LHFPL6: variants seen among roughly 807,000 people sequenced by gnomAD.
The protein encoded by LHFPL6 is LHFPL tetraspan subfamily member 6 protein.
LHFPL6 carries 9 observed loss-of-function variants against 20.6 expected under a neutral mutation model. The ratio of observed to expected loss-of-function variants is 0.44; its 90% CI spans 0.26 to 0.76. The LOEUF is 0.76. Ranked by LOEUF, LHFPL6 falls within the 30% of genes least tolerant of loss-of-function variation. The pLI is 0.20. For synonymous variants in LHFPL6, 105 were observed against 98.7 expected (o/e 1.06, Z -0.38); for missense variants, 218 against 253.5 (o/e 0.86, Z 0.95).
chr13:39,427,002 A>G (rs78170721), intron 2 of LHFPL6, among the ~76,000 whole-genome samples: 4,283 of 151,558 alleles, frequency 0.028, 176 homozygotes, highest in African/African-American at 0.091. Flanking sequence ...AGCTTTATTT[A>G]TTTAAAAAAA....
At chr13:39,545,581 A>C (rs1244100014) in intron 2 of LHFPL6, among the ~76,000 whole-genome samples, 1 of 152,022 alleles carries the variant, frequency 6.6e-6, no homozygotes, top group South Asian at 2.1e-4. Context: ...CTCCCCATCC[A>C]TGGGGGATTG....
intron 2 of LHFPL6, among the ~76,000 whole-genome samples, chr13:39,544,515 G>GAGCTCGC (rs1343822360): frequency 6.6e-6 from 1 of 152,104 alleles, no homozygotes; most frequent in Non-Finnish European, 1.5e-5. Context: ...TTAACCCAAG[G>GAGCTCGC]AGCTCCAAGT....
rs1869846583 is a variant in LHFPL6 at position 39,360,377 on chromosome 13, C to T, written c.485-16323G>A. The stretch of plus-strand genomic sequence containing the variant: ...TGTTTGCCCTACTTTCTCCACAGAG[C>T]TAACCAGAAGATAAAATGCAGATGT... On this transcript the variant is annotated intron_variant, in intron 3 of 3. Transcript: ENST00000379589. Among the ~76,000 whole-genome samples, 4 of 97,746 alleles carry T rather than the reference C, an allele frequency of 4.1e-5. 2 individuals are homozygous for T. In the South Asian group the frequency reaches 1.4e-3, roughly 34 times the overall value. 64.1% of individuals were successfully genotyped at this position (97,746 alleles called of 152,430 possible). A position where few individuals can be genotyped will look rare whatever the true frequency, so the allele number is the denominator to read the frequency against.
intron 2 of LHFPL6, among the ~76,000 whole-genome samples, chr13:39,421,812 G>A (rs1286746071): frequency 6.6e-6 from 1 of 152,168 alleles, no homozygotes; most frequent in Non-Finnish European, 1.5e-5. Context: ...TTGAAGGTTG[G>A]CTATATGAAA....
At chr13:39,528,318 T>C (rs1335241820) in intron 2 of LHFPL6, among the ~76,000 whole-genome samples, 1 of 152,074 alleles carries the variant, frequency 6.6e-6, no homozygotes, top group Non-Finnish European at 1.5e-5. Context: ...CTCTCCCCTC[T>C]GACTGAAAAA....
intron 2 of LHFPL6, among the ~76,000 whole-genome samples, chr13:39,396,972 T>G (rs1001857369): frequency 7.2e-5 from 11 of 152,114 alleles, no homozygotes; most frequent in African/African-American, 2.7e-4. Context: ...AGCATGGCCC[T>G]GCCAACAACT....
rs530788607 is a variant in LHFPL6 at position 39,375,233 on chromosome 13, A to C, written c.484+3195T>G. On this transcript the variant is annotated intron_variant, in intron 3 of 3. Transcript: ENST00000379589. ...ATGTTTGCTGGAGCCATCTTAACCA[A>C]GAATGCTCACTCATGACCTCATGCT... 7.2e-5 allele frequency among the ~76,000 whole-genome samples: 11 copies of C among 152,340 alleles called. No homozygotes were observed. The East Asian group carries it at 7.7e-4, about 11-fold the overall frequency.
chr13:39,379,583 G>A (rs540228252), intron 2 of LHFPL6, among the ~76,000 whole-genome samples: 65 of 152,122 alleles, frequency 4.3e-4, no homozygotes, highest in Non-Finnish European at 7.8e-4. Context: ...AGTCCCTTCC[G>A]GGCCGTCTTT....
At chr13:39,537,801 A>G (rs1870666464) in intron 2 of LHFPL6, among the ~76,000 whole-genome samples, 2 of 152,078 alleles carry the variant, frequency 1.3e-5, no homozygotes, top group Admixed American at 6.5e-5. Context: ...ACAAAATTTC[A>G]TGGAGTAAGA....
chr13:39,376,300 T>A (rs950922275), intron 3 of LHFPL6, among the ~76,000 whole-genome samples: 12 of 152,136 alleles, frequency 7.9e-5, no homozygotes, highest in African/African-American at 2.9e-4. Flanking sequence ...CTAGACACAG[T>A]TTGCTTTCCA....
intron 2 of LHFPL6, among the ~76,000 whole-genome samples, chr13:39,530,430 G>A (rs1244725647): frequency 2.6e-5 from 4 of 152,080 alleles, no homozygotes; most frequent in South Asian, 4.1e-4. Flanking sequence ...TCTACTTAAG[G>A]GCTTGAACTT....
chr13:39,343,901 C>T lies in LHFPL6; in HGVS notation c.*35G>A, dbSNP rs752934880. 5.1e-6 allele frequency: 8 copies of T among 1,560,184 alleles called. No homozygotes were observed. Among genetic ancestry groups the T allele is most frequent in the Admixed American group, 3.4e-5 (2 of 59,674 alleles). The stretch of plus-strand genomic sequence containing the variant: ...TTGACCTCTCCAAGCCCCTTTGGCC[C>T]ATCTTCTCCTCTGTCTGCTCTTGGT... On this transcript the variant is annotated 3_prime_UTR_variant, in exon 4 of 4. Coordinates refer to ENST00000379589, the MANE Select transcript of LHFPL6 (RefSeq NM_005780.3).
intron 2 of LHFPL6, among the ~76,000 whole-genome samples, chr13:39,549,786 CAT>C (rs1871094027): frequency 1.3e-5 from 2 of 152,222 alleles, no homozygotes; most frequent in African/African-American, 2.4e-5. Flanking sequence ...TCAACTGACA[CAT>C]ATGATACCAA....
chr13:39,489,767 C>T (rs902859252), intron 2 of LHFPL6, among the ~76,000 whole-genome samples: 9 of 152,178 alleles, frequency 5.9e-5, no homozygotes, highest in Non-Finnish European at 1.0e-4. Flanking sequence ...GTTGCCCAGC[C>T]CAGTCTCGAA....
intron 2 of LHFPL6, among the ~76,000 whole-genome samples, chr13:39,545,542 C>T (rs567368954): frequency 8.5e-5 from 13 of 152,092 alleles, no homozygotes; most frequent in East Asian, 1.9e-4. Context: ...ACCTTGACAA[C>T]GGAAATAATA....
At chr13:39,534,115 A>G (rs1274204209) in intron 2 of LHFPL6, among the ~76,000 whole-genome samples, 1 of 152,234 alleles carries the variant, frequency 6.6e-6, no homozygotes, top group Non-Finnish European at 1.5e-5. Flanking sequence ...AGTAAAAAAC[A>G]AGAGATAAGT....
chr13:39,530,870 C>CA (rs969857015), intron 2 of LHFPL6, among the ~76,000 whole-genome samples: 1 of 149,336 alleles, frequency 6.7e-6, no homozygotes, highest in African/African-American at 2.5e-5. Flanking sequence ...ACATCATGGA[C>CA]AAAAAAAAAT....
chr13:39,567,070 C>T (rs1871747962), intron 2 of LHFPL6, among the ~76,000 whole-genome samples: 2 of 138,252 alleles, frequency 1.4e-5, no homozygotes, highest in African/African-American at 5.6e-5. Flanking sequence ...TTTTTGCTAA[C>T]ATCAAACAAC....
intron 2 of LHFPL6, among the ~76,000 whole-genome samples, chr13:39,518,009 A>T (rs1006635): frequency 0.014 from 2,096 of 152,226 alleles, 64 homozygotes; most frequent in African/African-American, 0.048. Flanking sequence ...CTGGGATTCC[A>T]ATCTCCACAC....
Sources: allele counts gnomAD v4.1 joint callset (sites outside exome capture counted in the v4.1 genomes callset), GRCh38; gene constraint gnomAD v4.1.1; transcripts MANE v1.5; gene names NCBI Gene and HGNC (gene_info 2026-07-23, HGNC 2026-07-21).